Variants in NUP210L observed in about 807,000 individuals in gnomAD.
The protein encoded by NUP210L is nucleoporin 210 like, also known as nuclear pore membrane glycoprotein 210-like.
Under a neutral mutation model 208.5 loss-of-function variants are expected in NUP210L, and 74 were observed. The ratio of observed to expected loss-of-function variants is 0.35; its 90% CI spans 0.29 to 0.43. NUP210L has a LOEUF of 0.43. Ranked by LOEUF, NUP210L falls within the 20% of genes least tolerant of loss-of-function variation. The probability of loss-of-function intolerance (pLI) is 1.00; values close to 1 mark genes in which losing one functional copy is unlikely to be tolerated. For synonymous variants in NUP210L, 780 were observed against 816.9 expected (o/e 0.95, Z 0.77); for missense variants, 1,843 against 2,289.4 (o/e 0.81, Z 3.98).
exon 11 of NUP210L, chr1:154,118,772 G>A (rs767469123): frequency 3.1e-6 from 5 of 1,591,254 alleles, no homozygotes; most frequent in Non-Finnish European, 3.4e-6. Flanking sequence ...TCTTGTTGGT[G>A]TTTGATTAGA....
At chr1:154,058,927 G>A (rs776245357) in intron 20 of NUP210L, among the ~76,000 whole-genome samples, 16 of 152,170 alleles carry the variant, frequency 1.1e-4, no homozygotes, top group Non-Finnish European at 4.4e-5. Context: ...AGTGGCTCAC[G>A]CCTATAATCC....
chr1:153,995,725 T>C (rs972184825), intron 37 of NUP210L: 1 of 857,530 alleles, frequency 1.2e-6, no homozygotes, highest in African/African-American at 1.7e-5. Flanking sequence ...TAGAATTGTT[T>C]ACCTTTATAC....
intron 1 of NUP210L, among the ~76,000 whole-genome samples, chr1:154,154,353 T>TA (rs1659577150): frequency 6.6e-6 from 1 of 152,236 alleles, no homozygotes; most frequent in South Asian, 2.1e-4. Context: ...ACTTGGCTGT[T>TA]GTGTTTTAAG....
At chr1:154,070,642 C>T (rs1227001230) in intron 16 of NUP210L, among the ~76,000 whole-genome samples, 177 bp from the exon 17 acceptor site, 1 of 152,074 alleles carries the variant, frequency 6.6e-6, no homozygotes, top group Non-Finnish European at 1.5e-5. Context: ...TACACTTCAC[C>T]TGGATTCACC....
chr1:154,013,911 C>T (rs1293415658), intron 33 of NUP210L, among the ~76,000 whole-genome samples: 10 of 151,962 alleles, frequency 6.6e-5, no homozygotes, highest in African/African-American at 1.9e-4. Context: ...ATTACAGGCA[C>T]GTGCCACCAT....
rs547941300 is a variant in NUP210L, at chr1:154,031,900, T to A, written c.3697-1846A>T. ...CTGCGCCTGGCTAAATTAAAAAAAA[T>A]TTTTTTTTTTGTAGAGACCGAGTCT... On this transcript the variant is annotated intron_variant, in intron 27 of 39. Coordinates refer to ENST00000368559, the Ensembl canonical transcript of NUP210L. 8.8e-3 allele frequency among the ~76,000 whole-genome samples: 1,249 copies of A among 142,204 alleles called. 7 individuals are homozygous for A. Among genetic ancestry groups the A allele is most frequent in the Non-Finnish European group, 0.014 (931 of 66,956 alleles). The allele number at this position is 142,204 out of a possible 152,430, so 93.3% of individuals were successfully genotyped here.
At position 154,093,219 on chromosome 1, in the gene NUP210L, A is replaced by G. The variant is rs556499203; in HGVS notation, c.2187+1716T>C. On this transcript the variant is annotated intron_variant, in intron 15 of 39. Transcript: ENST00000368559. Reference sequence around the variant, plus strand: ...CGAGGTGGGCAGATCACCTGAGGTCAGGAGTTTGAGATCAGCCTGACCAAC... The same window carrying G: ...CGAGGTGGGCAGATCACCTGAGGTCGGGAGTTTGAGATCAGCCTGACCAAC... Among the ~76,000 whole-genome samples, 85 of 152,304 alleles carry G rather than the reference A, an allele frequency of 5.6e-4. 1 individual carries two copies. Among genetic ancestry groups the G allele is most frequent in the Non-Finnish European group, 2.2e-4 (15 of 68,028 alleles).
At chr1:154,108,311 C>T (rs1656868802) in intron 12 of NUP210L, among the ~76,000 whole-genome samples, 1 of 152,080 alleles carries the variant, frequency 6.6e-6, no homozygotes, top group South Asian at 2.1e-4. Flanking sequence ...GCATGCACCA[C>T]CACAACCAGC....
intron 14 of NUP210L, among the ~76,000 whole-genome samples, chr1:154,097,142 C>T (rs1050232869): frequency 6.6e-6 from 1 of 151,980 alleles, no homozygotes. Flanking sequence ...CATAGATGGC[C>T]TTTCTGAAAA....
At chr1:154,002,481 G>C (rs1158070551) in intron 35 of NUP210L, among the ~76,000 whole-genome samples, 1 of 151,942 alleles carries the variant, frequency 6.6e-6, no homozygotes, top group African/African-American at 2.4e-5. Flanking sequence ...AAAAATACGA[G>C]GATTAGCCGG....
Position 154,003,168 on chromosome 1 carries a change from G to A in NUP210L, c.4931-1183C>T, listed in dbSNP as rs1650316033. 3.3e-5 allele frequency among the ~76,000 whole-genome samples: 5 copies of A among 150,634 alleles called. No individual in the cohort carries two copies. The South Asian group carries it at 1.0e-3, about 32-fold the overall frequency. On this transcript the variant is annotated intron_variant, in intron 35 of 39. Coordinates refer to ENST00000368559, the Ensembl canonical transcript of NUP210L. Reference sequence around the variant, plus strand: ...TAGGACTCCAGGCATGTGCCACCATGCCTGGCTAATTTTTAATTTTTATTT... The same window carrying A: ...TAGGACTCCAGGCATGTGCCACCATACCTGGCTAATTTTTAATTTTTATTT...
At chr1:154,055,164 T>TTTCTTTC (rs1553228958) in intron 23 of NUP210L, among the ~76,000 whole-genome samples, 10 of 123,978 alleles carry the variant, frequency 8.1e-5, no homozygotes, top group African/African-American at 2.7e-4. Flanking sequence ...TCTTTCTTTC[T>TTTCTTTC]TTCTTTCTTT....
chr1:154,036,913 C>G (rs1652588181), intron 27 of NUP210L, among the ~76,000 whole-genome samples: 1 of 152,022 alleles, frequency 6.6e-6, no homozygotes, highest in Non-Finnish European at 1.5e-5. Flanking sequence ...CAGGTGCATG[C>G]CACCACACCC....
intron 9 of NUP210L, 136 bp from the exon 10 acceptor site, chr1:154,126,599 C>T (rs1657992531): frequency 3.2e-6 from 2 of 631,106 alleles, no homozygotes; most frequent in East Asian, 6.0e-5. Flanking sequence ...TTTGCTCTCC[C>T]TCATAGAAAT....
At chr1:154,035,600 T>C (rs532918712) in intron 27 of NUP210L, among the ~76,000 whole-genome samples, 1 of 152,186 alleles carries the variant, frequency 6.6e-6, no homozygotes, top group South Asian at 2.1e-4. Flanking sequence ...GGTTTCACCA[T>C]GTTGGCCACA....
intron 12 of NUP210L, chr1:154,104,530 T>C: frequency 3.6e-6 from 1 of 281,058 alleles, no homozygotes; most frequent in African/African-American, 2.2e-5. Flanking sequence ...TCTGTGCACC[T>C]GGGGAGTACA....
chr1:154,016,256 A>C (rs567880662), intron 33 of NUP210L, among the ~76,000 whole-genome samples: 65 of 151,822 alleles, frequency 4.3e-4, no homozygotes, highest in Middle Eastern at 3.4e-3. Context: ...ACTGTCTCTT[A>C]AAAGAAAAAA....
chr1:154,035,880 C>A (rs751835212), intron 27 of NUP210L, among the ~76,000 whole-genome samples: 1 of 151,926 alleles, frequency 6.6e-6, no homozygotes, highest in Non-Finnish European at 1.5e-5. Context: ...ATTACAGGTA[C>A]CTGCCACCGC....
intron 38 of NUP210L, among the ~76,000 whole-genome samples, chr1:153,993,600 C>A (rs1571140109): frequency 6.8e-6 from 1 of 146,058 alleles, no homozygotes. Context: ...ATGGAGTAGA[C>A]AATAGTGTTG....
Sources: gnomAD v4.1 joint callset for allele counts (sites outside exome capture counted in the v4.1 genomes callset) on GRCh38, gnomAD v4.1.1 for gene constraint, MANE v1.5 for transcripts, NCBI Gene and HGNC (gene_info 2026-07-23, HGNC 2026-07-21) for gene names.